Variants in ATXN10 observed in about 807,000 individuals in gnomAD.
ATXN10 encodes ataxin-10.
In ATXN10, 28 loss-of-function variants were observed where a neutral mutation model predicts 52.9. That is an observed-to-expected ratio of 0.53 (90% CI 0.39 to 0.73). The LOEUF (loss-of-function observed/expected upper bound fraction) is 0.73. Among genes scored for constraint, ATXN10 ranks in the 30% least tolerant of loss-of-function variants. ATXN10 has a pLI of 0.00. For missense variants in ATXN10, 565 were observed against 577.0 expected (o/e 0.98, Z 0.21); for synonymous variants, 226 against 221.5 (o/e 1.02, Z -0.18).
chr22:45,748,972 C>T (rs534050520), intron 9 of ATXN10, among the ~76,000 whole-genome samples: 4 of 152,238 alleles, frequency 2.6e-5, no homozygotes, highest in African/African-American at 7.2e-5. Context: ...AACCCCTTTT[C>T]TATGTCTTGT....
At chr22:45,806,309 C>G (rs1928097429) in intron 9 of ATXN10, among the ~76,000 whole-genome samples, 1 of 152,148 alleles carries the variant, frequency 6.6e-6, no homozygotes, top group South Asian at 2.1e-4. Flanking sequence ...CACGTTTGAA[C>G]ATATTCTGAT....
intron 9 of ATXN10, among the ~76,000 whole-genome samples, chr22:45,797,878 G>A (rs1005951270): frequency 1.3e-5 from 2 of 152,084 alleles, no homozygotes; most frequent in African/African-American, 4.8e-5. Flanking sequence ...CATCATTATA[G>A]ATATTACAGA....
At chr22:45,723,176 T>A (rs1342059945) in intron 6 of ATXN10, among the ~76,000 whole-genome samples, 1 of 152,146 alleles carries the variant, frequency 6.6e-6, no homozygotes, top group Non-Finnish European at 1.5e-5. Context: ...TATATATATA[T>A]ATGTAGATAG....
At chr22:45,725,348 T>G (rs1924823535) in intron 6 of ATXN10, among the ~76,000 whole-genome samples, 1 of 152,200 alleles carries the variant, frequency 6.6e-6, no homozygotes, top group African/African-American at 2.4e-5. Flanking sequence ...GTTTTATAGT[T>G]TTCCTTGTAG....
chr22:45,776,783 A>G (rs1415734670), intron 9 of ATXN10, among the ~76,000 whole-genome samples: 8 of 152,228 alleles, frequency 5.3e-5, no homozygotes, highest in Non-Finnish European at 1.5e-5. Flanking sequence ...ATATCACCCA[A>G]AATACTAACT....
chr22:45,840,783 T>C lies in ATXN10; in HGVS notation c.1238-2208T>C, dbSNP rs1414542398. On this transcript the variant is annotated intron_variant, in intron 10 of 11. Transcript: ENST00000252934. The surrounding 1 kb of genome is among the most constrained non-coding windows in gnomAD (Gnocchi z 5.8). The stretch of plus-strand genomic sequence containing the variant: ...GCATTATTGGGAATTTCAGCTTTCC[T>C]ACTTTAATTATATTTAAGTGAATAA... 6.6e-6 allele frequency among the ~76,000 whole-genome samples: 1 copy of C among 152,264 alleles called. No homozygotes were observed. Among genetic ancestry groups the C allele is most frequent in the African/African-American group, 2.4e-5 (1 of 41,464 alleles).
intron 5 of ATXN10, among the ~76,000 whole-genome samples, chr22:45,710,271 T>C (rs1924195163): frequency 6.6e-6 from 1 of 152,226 alleles, no homozygotes; most frequent in African/African-American, 2.4e-5. Context: ...CTGTTTTTCT[T>C]TGAATACTCC....
At position 45,762,059 on chromosome 22, in the gene ATXN10, C is replaced by T. The variant is rs1191569164; in HGVS notation, c.1173+21521C>T. On this transcript the variant is annotated intron_variant, in intron 9 of 11. Transcript: ENST00000252934. This position sits in a 1 kb window ranked among gnomAD's most constrained non-coding sequence, Gnocchi z 4.3. Reference sequence around the variant, plus strand: ...CCTATTTAGTCATATGTTTTTACTTCACTTTATGGTTTAAGTGAGCCAACC... The same window carrying T: ...CCTATTTAGTCATATGTTTTTACTTTACTTTATGGTTTAAGTGAGCCAACC... Among the ~76,000 whole-genome samples, 6 of 152,192 alleles carry T rather than the reference C, an allele frequency of 3.9e-5. No homozygotes were observed. Among genetic ancestry groups the T allele is most frequent in the Non-Finnish European group, 2.9e-5 (2 of 68,034 alleles).
rs1161898096 is a variant in ATXN10 at position 45,841,551 on chromosome 22, C to T, written c.1238-1440C>T. Among the ~76,000 whole-genome samples the T allele has an allele frequency of 6.6e-6, 1 of 152,184 alleles. No individual in the cohort carries two copies. Among genetic ancestry groups the T allele is most frequent in the African/African-American group, 2.4e-5 (1 of 41,450 alleles). On this transcript the variant is annotated intron_variant, in intron 10 of 11. Transcript: ENST00000252934. This position sits in a 1 kb window ranked among gnomAD's most constrained non-coding sequence, Gnocchi z 5.1. ...TAGGGAAGCAGAGAGGACCCTGGGC[C>T]AGCTCACCCGGTGTGTATTGGAGGG...
chr22:45,796,704 G>A (rs1927753071), intron 9 of ATXN10, among the ~76,000 whole-genome samples: 1 of 152,148 alleles, frequency 6.6e-6, no homozygotes, highest in Admixed American at 6.5e-5. Flanking sequence ...CACCGTGTTG[G>A]TCAGACTGGT....
rs1294818691 is a variant in ATXN10 at position 45,770,048 on chromosome 22, TTCTAGACCAG to T, written c.1173+29512_1173+29521del. 6.6e-6 allele frequency among the ~76,000 whole-genome samples: 1 copy of T among 152,210 alleles called. No homozygotes were observed. The highest frequency in any genetic ancestry group is 2.4e-5 in the African/African-American group (1 of 41,444). Reference sequence around the variant, plus strand: ...GAGCTGAAGAAGGGCGGCTTAGGGTTTCTAGACCAGTAATGGCTACTGTTTCTTGAGAAAT... The same window carrying T: ...GAGCTGAAGAAGGGCGGCTTAGGGTTTAATGGCTACTGTTTCTTGAGAAAT... On this transcript the variant is annotated intron_variant, in intron 9 of 11. Coordinates refer to ENST00000252934, the MANE Select transcript of ATXN10 (RefSeq NM_013236.4). This position sits in a 1 kb window ranked among gnomAD's most constrained non-coding sequence, Gnocchi z 4.5.
At chr22:45,686,838 A>C (rs992168430) in intron 1 of ATXN10, among the ~76,000 whole-genome samples, 1 of 142,164 alleles carries the variant, frequency 7.0e-6, no homozygotes, top group African/African-American at 2.6e-5. Context: ...AAAAAAAAGG[A>C]GATGTAAGTT....
At position 45,786,868 on chromosome 22, in the gene ATXN10, C is replaced by T. The variant is rs143621884; in HGVS notation, c.1174-20091C>T. ...GCATTTTAACAGTATGTCTCAAAGA[C>T]ACTCAAAGATGGTTTTGTTTTGTTT... is the stretch of plus-strand genomic sequence containing the variant. On this transcript the variant is annotated intron_variant, in intron 9 of 11. Transcript: ENST00000252934. The surrounding 1 kb of genome is among the most constrained non-coding windows in gnomAD (Gnocchi z 4.1). Among the ~76,000 whole-genome samples the T allele has an allele frequency of 7.5e-4, 114 of 152,268 alleles. No individual in the cohort carries two copies. The highest frequency in any genetic ancestry group is 2.7e-3 in the African/African-American group (111 of 41,550).
At chr22:45,735,037 T>A (rs1925238677) in intron 7 of ATXN10, among the ~76,000 whole-genome samples, 1 of 151,778 alleles carries the variant, frequency 6.6e-6, no homozygotes, top group African/African-American at 2.4e-5. Context: ...CACCACCATG[T>A]CCGGCTAATT....
At position 45,837,763 on chromosome 22, in the gene ATXN10, G is replaced by T. The variant is rs111651934; in HGVS notation, c.1238-5228G>T. 0.014 allele frequency among the ~76,000 whole-genome samples: 2,097 copies of T among 152,320 alleles called. 31 individuals are homozygous for T. The highest frequency in any genetic ancestry group is 0.019 in the South Asian group (94 of 4,824). ...CAAGTGATGGGCATGGCTGTGTGCC[G>T]TAGAACCTTGTTTACGGATACGGAC... is the stretch of plus-strand genomic sequence containing the variant. On this transcript the variant is annotated intron_variant, in intron 10 of 11. Transcript: ENST00000252934. The surrounding 1 kb of genome is among the most constrained non-coding windows in gnomAD (Gnocchi z 5.8).
In ATXN10 at chr22:45,738,806, C is replaced by T; in HGVS notation, c.970C>T (p.Gln324Ter). The T allele has an allele frequency of 6.2e-7, 1 of 1,614,138 alleles. No individual in the cohort carries two copies. Among genetic ancestry groups the T allele is most frequent in the Non-Finnish European group, 8.5e-7 (1 of 1,179,988 alleles). Reference sequence around the variant, plus strand: ...GAATACTGAGCTGCTCGGCTATCTGCAGGTTTTCCCTGGCTTGCTGGAAAG... The same window carrying T: ...GAATACTGAGCTGCTCGGCTATCTGTAGGTTTTCCCTGGCTTGCTGGAAAG... ...TVNTELLGYL[Q>*]VFPGLLERVI... The change falls in exon 8 of 12, where the codon CAG becomes TAG. Residue 324 changes from glutamine (Q) to a stop codon, truncating the protein, a stop_gained. Coordinates refer to ENST00000252934, the MANE Select transcript of ATXN10 (RefSeq NM_013236.4). LOFTEE classifies it high-confidence loss of function.
rs1038790988 is a variant in ATXN10, at chr22:45,805,692, G to T, written c.1174-1267G>T. 2.6e-5 allele frequency among the ~76,000 whole-genome samples: 4 copies of T among 152,296 alleles called. No homozygotes were observed. The highest frequency in any genetic ancestry group is 2.6e-4 in the Admixed American group (4 of 15,302). ...GTAGAAGGATAGTTGCCAAGGACTG[G>T]GGGGAGGGAAGAATAAGGAGTGACT... On this transcript the variant is annotated intron_variant, in intron 9 of 11. Coordinates refer to ENST00000252934, the MANE Select transcript of ATXN10 (RefSeq NM_013236.4). This position sits in a 1 kb window ranked among gnomAD's most constrained non-coding sequence, Gnocchi z 4.4.
chr22:45,783,255 G>T lies in ATXN10; in HGVS notation c.1174-23704G>T, dbSNP rs1407162699. ...AGTGTGGGTGTGCTGGACAAGGGAG[G>T]ATTCAAGCCCTGGGAGGGATGGTGA... On this transcript the variant is annotated intron_variant, in intron 9 of 11. Coordinates refer to ENST00000252934, the MANE Select transcript of ATXN10 (RefSeq NM_013236.4). The surrounding 1 kb of genome is among the most constrained non-coding windows in gnomAD (Gnocchi z 5.0). 6.6e-6 allele frequency among the ~76,000 whole-genome samples: 1 copy of T among 152,198 alleles called. No individual in the cohort carries two copies. The highest frequency in any genetic ancestry group is 2.4e-5 in the African/African-American group (1 of 41,446).
In ATXN10 at chr22:45,744,011, C is replaced by T. The variant is rs1174271822; in HGVS notation, c.1173+3473C>T. 6.6e-6 allele frequency among the ~76,000 whole-genome samples: 1 copy of T among 152,076 alleles called. No homozygotes were observed. Among genetic ancestry groups the T allele is most frequent in the Non-Finnish European group, 1.5e-5 (1 of 67,990 alleles). The stretch of plus-strand genomic sequence containing the variant: ...GGTCAGTCTGCGTCTCCTAGGCCAG[C>T]CAGGCCCCTTAGACTCCCTCCTGGT... On this transcript the variant is annotated intron_variant, in intron 9 of 11. Coordinates refer to ENST00000252934, the MANE Select transcript of ATXN10 (RefSeq NM_013236.4). This position sits in a 1 kb window ranked among gnomAD's most constrained non-coding sequence, Gnocchi z 4.9.
Sources: gnomAD v4.1 joint callset for allele counts (sites outside exome capture counted in the v4.1 genomes callset) on GRCh38, gnomAD v4.1.1 for gene constraint, Gnocchi (gnomAD v3.1) non-coding constraint, MANE v1.5 for transcripts, NCBI Gene and HGNC (gene_info 2026-07-23, HGNC 2026-07-21) for gene names.